The following SETBP1 variants were observed in gnomAD, a reference collection of about 807,000 sequenced individuals.
The protein encoded by SETBP1 is SET-binding protein.
A neutral mutation model predicts 101.0 loss-of-function variants in SETBP1; 9 were observed. The ratio of observed to expected loss-of-function variants is 0.09; its 90% CI spans 0.05 to 0.16. The LOEUF is 0.16. Among genes scored for constraint, SETBP1 ranks in the 10% least tolerant of loss-of-function variants. The pLI is 1.00. For synonymous variants in SETBP1, 818 were observed against 788.5 expected, an observed-to-expected ratio of 1.04 and a Z score of -0.63; for missense variants, 1,858 against 2,033.8, an observed-to-expected ratio of 0.91 and a Z score of 1.66.
At chr18:44,816,193 C>A (rs368181706) in intron 2 of SETBP1, among the ~76,000 whole-genome samples, 3 of 152,126 alleles carry the variant, frequency 2.0e-5, no homozygotes, top group East Asian at 1.9e-4. Context: ...CTTCCACAAG[C>A]CTTTTTCATT....
chr18:44,925,031 T>TTTG (rs2070672191), intron 3 of SETBP1, among the ~76,000 whole-genome samples: 1 of 149,706 alleles, frequency 6.7e-6, no homozygotes, highest in African/African-American at 2.5e-5. Context: ...TTTTTTTTTT[T>TTTG]TTTTCACGAG....
At chr18:44,691,218 A>G (rs1292775531) in intron 1 of SETBP1, among the ~76,000 whole-genome samples, 1 of 152,182 alleles carries the variant, frequency 6.6e-6, no homozygotes, top group African/African-American at 2.4e-5. Context: ...TCTTGAGTAA[A>G]TCATTAACCT....
intron 3 of SETBP1, among the ~76,000 whole-genome samples, chr18:44,894,973 A>G (rs2069858819): frequency 7.1e-6 from 1 of 140,326 alleles, no homozygotes; most frequent in South Asian, 2.4e-4. Context: ...AAAAAAAAGT[A>G]GCCAGTCACA....
At chr18:44,782,562 G>A (rs962081854) in intron 2 of SETBP1, among the ~76,000 whole-genome samples, 1 of 152,160 alleles carries the variant, frequency 6.6e-6, no homozygotes, top group African/African-American at 2.4e-5. Flanking sequence ...CATCTAGGTG[G>A]GGTGTGTTGT....
At chr18:45,028,773 A>G (rs2073226076) in intron 4 of SETBP1, among the ~76,000 whole-genome samples, 4 of 151,922 alleles carry the variant, frequency 2.6e-5, no homozygotes, top group South Asian at 2.1e-4. Context: ...GATGGTGAGC[A>G]TTTTTTCATG....
intron 2 of SETBP1, among the ~76,000 whole-genome samples, chr18:44,753,411 A>T (rs1311010438): frequency 1.3e-5 from 2 of 152,228 alleles, no homozygotes; most frequent in Non-Finnish European, 2.9e-5. Flanking sequence ...TAAGCATAGG[A>T]ACTACAGACA....
intron 2 of SETBP1, among the ~76,000 whole-genome samples, chr18:44,742,469 C>T (rs76364017): frequency 0.022 from 3,304 of 152,216 alleles, 131 homozygotes; most frequent in African/African-American, 0.075. Context: ...CAGGAGGATG[C>T]GGAGCACAAA....
At chr18:44,734,031 G>A (rs987760586) in intron 2 of SETBP1, among the ~76,000 whole-genome samples, 2 of 152,112 alleles carry the variant, frequency 1.3e-5, no homozygotes, top group Non-Finnish European at 2.9e-5. Context: ...AGTAATGATG[G>A]GGGCAAAAGT....
chr18:44,756,647 C>T (rs1254383998), intron 2 of SETBP1, among the ~76,000 whole-genome samples: 1 of 152,236 alleles, frequency 6.6e-6, no homozygotes, highest in Non-Finnish European at 1.5e-5. Context: ...GTGTCTCTCA[C>T]ACCACCCCTT....
At chr18:44,735,085 G>A (rs527591476) in intron 2 of SETBP1, among the ~76,000 whole-genome samples, 2 of 152,316 alleles carry the variant, frequency 1.3e-5, no homozygotes, top group South Asian at 4.1e-4. Flanking sequence ...AAGTTGGAAA[G>A]CCACACCTCA....
At chr18:44,827,307 C>A (rs896407393) in intron 2 of SETBP1, among the ~76,000 whole-genome samples, 1 of 152,212 alleles carries the variant, frequency 6.6e-6, no homozygotes. Flanking sequence ...ATTCTAACTG[C>A]ATCCCCTTCC....
intron 2 of SETBP1, among the ~76,000 whole-genome samples, chr18:44,798,405 G>A (rs961744599): frequency 1.3e-5 from 2 of 151,788 alleles, no homozygotes; most frequent in Non-Finnish European, 2.9e-5. Context: ...TTACAGAAAT[G>A]GAAATGTCCC....
At chr18:44,720,522 T>G (rs1319276874) in intron 2 of SETBP1, among the ~76,000 whole-genome samples, 1 of 152,198 alleles carries the variant, frequency 6.6e-6, no homozygotes, top group Non-Finnish European at 1.5e-5. Flanking sequence ...GGTGACAGGA[T>G]GCAGAGCCAT....
intron 4 of SETBP1, among the ~76,000 whole-genome samples, chr18:44,992,028 T>C (rs918160281): frequency 2.8e-4 from 42 of 152,148 alleles, no homozygotes; most frequent in African/African-American, 9.4e-4. Flanking sequence ...TTATATTTAA[T>C]TCATGGGTCA....
At chr18:44,751,883 G>T (rs1224277616) in intron 2 of SETBP1, among the ~76,000 whole-genome samples, 1 of 152,152 alleles carries the variant, frequency 6.6e-6, no homozygotes, top group Non-Finnish European at 1.5e-5. Context: ...CTTGGTGAGG[G>T]CTCTCTTCCT....
chr18:44,777,960 A>T (rs574420041), intron 2 of SETBP1, among the ~76,000 whole-genome samples: 8 of 152,176 alleles, frequency 5.3e-5, no homozygotes, highest in African/African-American at 1.9e-4. Context: ...TCTATTTACA[A>T]TCTCTAAGCA....
At chr18:44,876,575 C>T (rs746620427) in intron 3 of SETBP1, 3 of 1,550,248 alleles carry the variant, frequency 1.9e-6, no homozygotes, top group South Asian at 2.4e-5. Flanking sequence ...ATTAAAGACT[C>T]CAGTAAGGAG....
chr18:44,819,159 T>C (rs549796109), intron 2 of SETBP1, among the ~76,000 whole-genome samples: 1 of 151,836 alleles, frequency 6.6e-6, no homozygotes, highest in Non-Finnish European at 1.5e-5. Context: ...TTCCTCTTGA[T>C]ACATGTGTCA....
At chr18:44,744,975 G>A (rs576715904) in intron 2 of SETBP1, among the ~76,000 whole-genome samples, 1 of 152,054 alleles carries the variant, frequency 6.6e-6, no homozygotes, top group East Asian at 1.9e-4. Context: ...TGTTATGCGC[G>A]TCTGGGGCTG....
Sources: allele counts gnomAD v4.1 joint callset (sites outside exome capture counted in the v4.1 genomes callset), GRCh38; gene constraint gnomAD v4.1.1; transcripts MANE v1.5; gene names NCBI Gene and HGNC (gene_info 2026-07-23, HGNC 2026-07-21).